The following CHRD variants were observed in gnomAD, a reference collection of about 807,000 sequenced individuals.
The protein encoded by CHRD is chordin.
In CHRD, 69 loss-of-function variants were observed where a neutral mutation model predicts 113.7. The observed-to-expected ratio is 0.61, with a 90% CI of 0.50 to 0.74. CHRD has a LOEUF of 0.74. CHRD is among the 30% of genes least tolerant of loss of function. The pLI, the probability that CHRD is intolerant of heterozygous loss-of-function variation, is 0.00. For missense variants in CHRD, 1,194 were observed against 1,295.8 expected, an observed-to-expected ratio of 0.92 and a Z score of 1.21; for synonymous variants, 561 against 540.8, an observed-to-expected ratio of 1.04 and a Z score of -0.52.
At chr3:184,386,154 G>A (rs1397511453) in exon 15 of CHRD, 1 of 1,614,142 alleles carries the variant, frequency 6.2e-7, no homozygotes, top group Non-Finnish European at 8.5e-7. Flanking sequence ...GGAGCTCCGA[G>A]GGCAGGTAGG....
Position 184,381,981 on chromosome 3 carries a change from C to A in CHRD, c.660C>A (p.Val220=). The change falls in exon 6 of 23, where the codon GTC becomes GTA. Residue 220 remains valine (V), a synonymous_variant. Transcript: ENST00000204604. This position sits in a 1 kb window ranked among gnomAD's most constrained non-coding sequence, Gnocchi z 4.7. ...GCTTCTCAGACTCCAATGGCAGTGT[C>A]CTGTTTGAGCACCCTGCAGCCCCCA... 6.2e-7 allele frequency: 1 copy of A among 1,614,178 alleles called. No homozygotes were observed. The highest frequency in any genetic ancestry group is 1.3e-5 in the African/African-American group (1 of 75,056).
chr3:184,384,546 A>G lies in CHRD; in HGVS notation c.1450A>G (p.Ile484Val). 6.5e-7 allele frequency: 1 copy of G among 1,548,394 alleles called. No individual in the cohort carries two copies. Among genetic ancestry groups the G allele is most frequent in the Non-Finnish European group, 8.7e-7 (1 of 1,147,862 alleles). Residue 484 changes from isoleucine (I) to valine (V), a missense_variant, in exon 13 of 23, where the codon ATC becomes GTC. By Grantham distance (29) the Ile-to-Val change is conservative (BLOSUM62 3). Coordinates refer to ENST00000204604, the Ensembl canonical transcript of CHRD. This position sits in a 1 kb window ranked among gnomAD's most constrained non-coding sequence, Gnocchi z 4.4. ...CCTCCCCTGCCCCCAGGCCGTGGGTATCTGCCCTGGGCTGGGTGCCCGAGG... is the reference window on the plus strand; with the variant it reads ...CCTCCCCTGCCCCCAGGCCGTGGGTGTCTGCCCTGGGCTGGGTGCCCGAGG...
At position 184,388,805 on chromosome 3, in the gene CHRD, C is replaced by A; in HGVS notation, c.2709+64C>A. On this transcript the variant is annotated intron_variant, in intron 21 of 22. Coordinates refer to ENST00000204604, the Ensembl canonical transcript of CHRD. The surrounding 1 kb of genome is among the most constrained non-coding windows in gnomAD (Gnocchi z 6.1). ...GGAGCCTGGTCTGGAGTAGGGAGAC[C>A]TTCCCAGGGAGGTCCCTGAAGAAGC... 1 of 1,605,854 alleles carries A rather than the reference C, an allele frequency of 6.2e-7. No homozygotes were observed. The highest frequency in any genetic ancestry group is 8.5e-7 in the Non-Finnish European group (1 of 1,174,050).
At position 184,381,523 on chromosome 3, in the gene CHRD, G is replaced by A. The variant is rs373792812; in HGVS notation, c.410G>A (p.Ser137Asn). The A allele has an allele frequency of 1.1e-4, 176 of 1,602,248 alleles. No individual in the cohort carries two copies. In the African/African-American group the frequency reaches 1.7e-3, roughly 15 times the overall value. ...CGCAGCAGTTCGGAGCGGCAGCCGA[G>A]CGGCCTGTCCTTCGAGTATCCGCGG... The change falls in exon 4 of 23, where the codon AGC (serine) becomes AAC (asparagine). Residue 137 changes from serine (S) to asparagine (N), a missense_variant. By Grantham distance (46) the Ser-to-Asn change is conservative. Coordinates refer to ENST00000204604, the Ensembl canonical transcript of CHRD. This position sits in a 1 kb window ranked among gnomAD's most constrained non-coding sequence, Gnocchi z 4.7.
chr3:184,383,787 T>TTA (rs1272382717), intron 12 of CHRD, 145 bp downstream of exon 12: 1 of 917,700 alleles, frequency 1.1e-6, no homozygotes, highest in African/African-American at 1.7e-5. Context: ...TTTTTTTTTT[T>TTA]TTTTTTTTGA....
chr3:184,380,294 C>G lies in CHRD; in HGVS notation c.-25C>G. The G allele has an allele frequency of 1.5e-5, 19 of 1,238,228 alleles. No homozygotes were observed. Among genetic ancestry groups the G allele is most frequent in the South Asian group, 2.0e-5 (1 of 50,478 alleles). The allele number at this position is 1,238,228 out of a possible 1,614,324, so 76.7% of individuals were successfully genotyped here. A position where few individuals can be genotyped will look rare whatever the true frequency, so the allele number is the denominator to read the frequency against. Reference sequence around the variant, plus strand: ...CGCTCCCGCGCCCTCCTCCCTCCCTCCTCCCCAGCTGTCCCGTTCGCGTCA... The same window carrying G: ...CGCTCCCGCGCCCTCCTCCCTCCCTGCTCCCCAGCTGTCCCGTTCGCGTCA... On this transcript the variant is annotated 5_prime_UTR_variant, in exon 1 of 23. Transcript: ENST00000204604. The surrounding 1 kb of genome is among the most constrained non-coding windows in gnomAD (Gnocchi z 6.3).
Position 184,381,051 on chromosome 3 carries a change from G to T in CHRD, c.253-184G>T, listed in dbSNP as rs1230821371. 2.6e-6 allele frequency: 2 copies of T among 772,640 alleles called. No homozygotes were observed. The highest frequency in any genetic ancestry group is 2.9e-5 in the South Asian group (2 of 68,642). The allele number at this position is 772,640 out of a possible 1,614,324, so 47.9% of individuals were successfully genotyped here. ...TCTCATGGCAGCCTTGCTAGATAGAGAGTATTATTATCCCCATTTTCCAGA... is the reference window on the plus strand; with the variant it reads ...TCTCATGGCAGCCTTGCTAGATAGATAGTATTATTATCCCCATTTTCCAGA... On this transcript the variant is annotated intron_variant, in intron 2 of 22. Coordinates refer to ENST00000204604, the Ensembl canonical transcript of CHRD. The surrounding 1 kb of genome is among the most constrained non-coding windows in gnomAD (Gnocchi z 4.7).
intron 12 of CHRD, 134 bp downstream of exon 12, chr3:184,383,776 T>G (rs1715847203): frequency 1.5e-5 from 2 of 133,552 alleles, no homozygotes; most frequent in Non-Finnish European, 2.2e-5. Flanking sequence ...TTCATTTGAC[T>G]TTTTTTTTTT....
In CHRD at chr3:184,384,935, TGCTG is replaced by T; in HGVS notation, c.1598-81_1598-78del. On this transcript the variant is annotated intron_variant, in intron 13 of 22. Coordinates refer to ENST00000204604, the Ensembl canonical transcript of CHRD. This position sits in a 1 kb window ranked among gnomAD's most constrained non-coding sequence, Gnocchi z 4.4. ...AGTGTCTTCCAGCTCGTGGAATGTGTGCTGGGGAGCTGGGAATGCTGGGTTTGAG... is the reference window on the plus strand; with the variant it reads ...AGTGTCTTCCAGCTCGTGGAATGTGTGGGAGCTGGGAATGCTGGGTTTGAG... The T allele has an allele frequency of 2.1e-6, 3 of 1,417,662 alleles. No individual in the cohort carries two copies. In the South Asian group the frequency reaches 3.6e-5, roughly 17 times the overall value. The allele number at this position is 1,417,662 out of a possible 1,614,324, so 87.8% of individuals were successfully genotyped here. A position where few individuals can be genotyped will look rare whatever the true frequency, so the allele number is the denominator to read the frequency against.
Position 184,381,578 on chromosome 3 carries a change from C to CG in CHRD, c.469dup (p.Glu157GlyfsTer5). ...CGGAGCATCGCAGTTATAGCGACCG[C>CG]GGGGAGCCAGGCGCTGAGGAGCGGG... is the stretch of plus-strand genomic sequence containing the variant. On this transcript the variant is annotated frameshift_variant, in exon 4 of 23. Transcript: ENST00000204604. LOFTEE classifies it high-confidence loss of function. This position sits in a 1 kb window ranked among gnomAD's most constrained non-coding sequence, Gnocchi z 4.7. The CG allele has an allele frequency of 6.2e-7, 1 of 1,608,304 alleles. No individual in the cohort carries two copies. Among genetic ancestry groups the CG allele is most frequent in the Non-Finnish European group, 8.5e-7 (1 of 1,177,648 alleles).
chr3:184,383,752 C>A, intron 12 of CHRD, 110 bp downstream of exon 12: 1 of 1,010,450 alleles, frequency 9.9e-7, no homozygotes, highest in Non-Finnish European at 1.4e-6. Context: ...TGGGTTCTCC[C>A]ACTCATTCAT....
chr3:184,386,331 A>C (rs1716275517), intron 15 of CHRD, 161 bp from the exon 16 acceptor site: 10 of 1,259,100 alleles, frequency 7.9e-6, no homozygotes, highest in Non-Finnish European at 1.1e-5. Flanking sequence ...GCAGCCCGGC[A>C]CCCTATCCCT....
Position 184,381,410 on chromosome 3 carries a change from C to T in CHRD, c.382+46C>T. 3 of 1,598,902 alleles carry T rather than the reference C, an allele frequency of 1.9e-6. No homozygotes were observed. Among genetic ancestry groups the T allele is most frequent in the Admixed American group, 1.7e-5 (1 of 58,546 alleles). On this transcript the variant is annotated intron_variant, in intron 3 of 22. Transcript: ENST00000204604. The surrounding 1 kb of genome is among the most constrained non-coding windows in gnomAD (Gnocchi z 4.7). Reference sequence around the variant, plus strand: ...CGGGGAGGGAGGCAGGGCCACGATACTAGGTCCCGGGCCACTTGGATGGGG... The same window carrying T: ...CGGGGAGGGAGGCAGGGCCACGATATTAGGTCCCGGGCCACTTGGATGGGG...
Position 184,383,423 on chromosome 3 carries a change from G to C in CHRD, c.1320+5G>C, listed in dbSNP as rs1327690459. 2.5e-6 allele frequency: 4 copies of C among 1,613,860 alleles called. No homozygotes were observed. The East Asian group carries it at 6.7e-5, about 27-fold the overall frequency. Reference sequence around the variant, plus strand: ...AATGGCTCCCTGATCTATCAGGTAAGAGCCAGGGGCTGCAGAAGGTGGGGG... The same window carrying C: ...AATGGCTCCCTGATCTATCAGGTAACAGCCAGGGGCTGCAGAAGGTGGGGG... On this transcript the variant is annotated splice_donor_5th_base_variant and intron_variant, in intron 11 of 22. Transcript: ENST00000204604.
In CHRD at chr3:184,381,853, G is replaced by T; in HGVS notation, c.611+38G>T. On this transcript the variant is annotated intron_variant, in intron 5 of 22. Transcript: ENST00000204604. This position sits in a 1 kb window ranked among gnomAD's most constrained non-coding sequence, Gnocchi z 4.7. Reference sequence around the variant, plus strand: ...AAGGAGCAAGGAGGGGTCAGCTGCCGGGGCCCGGGAGGGAAACTGGGAGAG... The same window carrying T: ...AAGGAGCAAGGAGGGGTCAGCTGCCTGGGCCCGGGAGGGAAACTGGGAGAG... 1 of 1,609,698 alleles carries T rather than the reference G, an allele frequency of 6.2e-7. No individual in the cohort carries two copies. The highest frequency in any genetic ancestry group is 2.2e-5 in the East Asian group (1 of 44,756).
At chr3:184,389,332 C>G in intron 22 of CHRD, 35 bp from the exon 23 acceptor site, 1 of 1,605,116 alleles carries the variant, frequency 6.2e-7, no homozygotes, top group Non-Finnish European at 8.5e-7. Flanking sequence ...CACTCCCTCT[C>G]CCCTCCTCCA....
chr3:184,384,645 G>A lies in CHRD; in HGVS notation c.1549G>A (p.Gly517Arg). 6.2e-7 allele frequency: 1 copy of A among 1,604,952 alleles called. No individual in the cohort carries two copies. The highest frequency in any genetic ancestry group is 8.5e-7 in the Non-Finnish European group (1 of 1,175,480). Residue 517 changes from glycine to arginine, a missense_variant, in exon 13 of 23, where the codon GGG (glycine) becomes AGG (arginine). Transcript: ENST00000204604. The surrounding 1 kb of genome is among the most constrained non-coding windows in gnomAD (Gnocchi z 4.4). ...GGACTTCCCAGACGGAGAGCTTCGG[G>A]GGCACGTGGCTGCCCTGCCCTACTG...
intron 15 of CHRD, 153 bp from the exon 16 acceptor site, chr3:184,386,317 GCTGGCAGCCCGGCACCCTATCC>G: frequency 8.2e-7 from 1 of 1,217,952 alleles, no homozygotes; most frequent in Non-Finnish European, 1.2e-6. Flanking sequence ...ACATGAGGAG[GCTGGCAGCCCGGCACCCTATCC>G]CTGGCAGCTG....
chr3:184,386,638 T>G, exon 16 of CHRD: 1 of 1,610,080 alleles, frequency 6.2e-7, no homozygotes, highest in South Asian at 1.1e-5. Flanking sequence ...CCGCCAAACC[T>G]GGTGGTCCTG....
Sources: allele counts gnomAD v4.1 joint callset, GRCh38; gene constraint gnomAD v4.1.1; non-coding constraint Gnocchi (gnomAD v3.1); transcripts MANE v1.5; gene names NCBI Gene and HGNC (gene_info 2026-07-23, HGNC 2026-07-21).